Variants in SAMD12 observed in about 807,000 individuals in gnomAD.
The protein encoded by SAMD12 is sterile alpha motif domain-containing protein 12.
A neutral mutation model predicts 15.0 loss-of-function variants in SAMD12; 9 were observed. The observed-to-expected ratio is 0.60, with a 90% CI of 0.36 to 1.05. The LOEUF (loss-of-function observed/expected upper bound fraction) is 1.05. Among genes scored for constraint, SAMD12 ranks in the 50% least tolerant of loss-of-function variants. The pLI, the probability that SAMD12 is intolerant of heterozygous loss-of-function variation, is 0.01. For missense variants in SAMD12, 230 were observed against 234.2 expected (o/e 0.98, Z 0.12); for synonymous variants, 86 against 90.1 (o/e 0.96, Z 0.25).
intron 3 of SAMD12, among the ~76,000 whole-genome samples, chr8:118,411,895 A>G (rs765255806): frequency 3.3e-5 from 5 of 152,178 alleles, no homozygotes; most frequent in African/African-American, 4.8e-5. Flanking sequence ...CTACAACAAG[A>G]GTTGGTCAAC....
At chr8:118,580,564 T>G (rs1827267214) in intron 2 of SAMD12, 151 bp downstream of exon 2, 1 of 582,342 alleles carries the variant, frequency 1.7e-6, no homozygotes, top group Non-Finnish European at 3.0e-6. Flanking sequence ...TATTTTCATT[T>G]ATAATTATTT....
chr8:118,430,649 C>G (rs1822373952), intron 3 of SAMD12, among the ~76,000 whole-genome samples: 1 of 152,174 alleles, frequency 6.6e-6, no homozygotes, highest in African/African-American at 2.4e-5. Context: ...CATGAGCCAC[C>G]ACGCTCAGAC....
At chr8:118,150,907 A>T in the SAMD12 span, among the ~76,000 whole-genome samples, 40 of 152,000 alleles carry the variant, frequency 2.6e-4, 1 homozygote, top group South Asian at 2.7e-3. Context: ...TTTTTGGAGT[A>T]TTTTTCAAAT....
intron 2 of SAMD12, among the ~76,000 whole-genome samples, chr8:118,534,039 G>A (rs144782550): frequency 0.039 from 5,941 of 152,156 alleles, 357 homozygotes; most frequent in African/African-American, 0.13. Flanking sequence ...TCCTAGCTTC[G>A]ATGGTCTTTA....
chr8:118,584,835 T>C (rs1827391383), intron 1 of SAMD12, among the ~76,000 whole-genome samples: 1 of 151,954 alleles, frequency 6.6e-6, no homozygotes, highest in East Asian at 1.9e-4. Flanking sequence ...TGTCAAGTGA[T>C]ACACCCCCTG....
At chr8:118,376,960 C>A (rs550110275), downstream of SAMD12, among the ~76,000 whole-genome samples, 1 of 114,074 alleles carries the variant, frequency 8.8e-6, no homozygotes, top group South Asian at 2.4e-4. Flanking sequence ...AATATTTTAA[C>A]GCTAATCTGT....
chr8:118,535,017 G>A (rs910102634), intron 2 of SAMD12, among the ~76,000 whole-genome samples: 5 of 151,774 alleles, frequency 3.3e-5, no homozygotes, highest in Non-Finnish European at 5.9e-5. Context: ...CTTTGGAGGA[G>A]AACAGACACT....
chr8:118,228,921 CTG>C, intron 4 of SAMD12, among the ~76,000 whole-genome samples: 1 of 152,236 alleles, frequency 6.6e-6, no homozygotes, highest in Admixed American at 6.5e-5. Flanking sequence ...GATAAGGAAA[CTG>C]TGGTACATAT....
intron 4 of SAMD12, among the ~76,000 whole-genome samples, chr8:118,251,742 A>G (rs982732985): frequency 6.6e-6 from 1 of 152,072 alleles, no homozygotes; most frequent in African/African-American, 2.4e-5. Flanking sequence ...TCCGTACCTA[A>G]TACCTAATTC....
At chr8:118,566,841 CTT>C (rs1179462957) in intron 2 of SAMD12, among the ~76,000 whole-genome samples, 1 of 152,090 alleles carries the variant, frequency 6.6e-6, no homozygotes, top group Non-Finnish European at 1.5e-5. Flanking sequence ...AAATCTGGAG[CTT>C]TTAAAAGAAA....
intron 4 of SAMD12, among the ~76,000 whole-genome samples, chr8:118,327,929 G>T (rs556177755): frequency 6.6e-6 from 1 of 152,116 alleles, no homozygotes; most frequent in African/African-American, 2.4e-5. Context: ...ATCTGTTTTC[G>T]ATCTTCAAAA....
chr8:118,350,454 C>T (rs1336907258), intron 4 of SAMD12, among the ~76,000 whole-genome samples: 1 of 152,174 alleles, frequency 6.6e-6, no homozygotes, highest in African/African-American at 2.4e-5. Context: ...CCTCATCATT[C>T]CTGTGTTTTG....
chr8:118,423,210 G>A (rs1404374720), intron 3 of SAMD12, among the ~76,000 whole-genome samples: 1 of 152,050 alleles, frequency 6.6e-6, no homozygotes, highest in Non-Finnish European at 1.5e-5. Flanking sequence ...CCTTAGCCTG[G>A]CCCTCAAAGC....
chr8:118,577,539 C>A (rs772918571), intron 2 of SAMD12, among the ~76,000 whole-genome samples: 2 of 152,100 alleles, frequency 1.3e-5, no homozygotes, highest in Non-Finnish European at 2.9e-5. Flanking sequence ...CATGGCAGGG[C>A]TCAAAGTGGC....
At chr8:118,469,363 T>C (rs1449671714) in intron 2 of SAMD12, among the ~76,000 whole-genome samples, 3 of 145,860 alleles carry the variant, frequency 2.1e-5, no homozygotes, top group South Asian at 2.2e-4. Flanking sequence ...TGTCACATGA[T>C]TGGTTCAGTT....
intron 4 of SAMD12, among the ~76,000 whole-genome samples, chr8:118,356,372 C>G (rs1247238542): frequency 6.6e-6 from 1 of 152,158 alleles, no homozygotes; most frequent in Admixed American, 6.5e-5. Context: ...CCTGGCCCTG[C>G]AATGCTGTTT....
chr8:118,355,386 G>T (rs1421971407), intron 4 of SAMD12, among the ~76,000 whole-genome samples: 2 of 152,292 alleles, frequency 1.3e-5, no homozygotes, highest in East Asian at 3.9e-4. Context: ...GGACTTGGGG[G>T]AAGGGTAGGA....
At chr8:118,284,724 C>T (rs535531514) in intron 4 of SAMD12, 37 of 171,774 alleles carry the variant, frequency 2.2e-4, no homozygotes, top group East Asian at 1.2e-3. Context: ...GGGCAGATCA[C>T]GAGGTCAGGA....
At chr8:118,465,724 A>C (rs994625159) in intron 2 of SAMD12, among the ~76,000 whole-genome samples, 5 of 152,198 alleles carry the variant, frequency 3.3e-5, no homozygotes, top group African/African-American at 9.7e-5. Flanking sequence ...ACATACAAAC[A>C]AGATATGACG....
Sources: gnomAD v4.1 joint callset for allele counts (sites outside exome capture counted in the v4.1 genomes callset) on GRCh38, gnomAD v4.1.1 for gene constraint, MANE v1.5 for transcripts, NCBI Gene and HGNC (gene_info 2026-07-23, HGNC 2026-07-21) for gene names.